The following EPHA8 variants were observed in gnomAD, a reference collection of about 807,000 sequenced individuals.
The protein encoded by EPHA8 is ephrin type-A receptor 8.
EPHA8 carries 58 observed loss-of-function variants against 103.6 expected under a neutral mutation model. That is an observed-to-expected ratio of 0.56 (90% CI 0.45 to 0.70). The LOEUF (loss-of-function observed/expected upper bound fraction) is 0.70. Ranked by LOEUF, EPHA8 falls within the 30% of genes least tolerant of loss-of-function variation. The pLI, the probability that EPHA8 is intolerant of heterozygous loss-of-function variation, is 0.00. For synonymous variants in EPHA8, 559 were observed against 572.5 expected (o/e 0.98, Z 0.34); for missense variants, 1,304 against 1,395.2 (o/e 0.93, Z 1.04).
chr1:22,577,673 G>A (rs932510386), intron 3 of EPHA8, among the ~76,000 whole-genome samples: 2 of 152,126 alleles, frequency 1.3e-5, no homozygotes, highest in Non-Finnish European at 1.5e-5. Context: ...ATGACTTAGG[G>A]TGGCAGCTGT....
chr1:22,588,441 C>T (rs1314411214), intron 4 of EPHA8, among the ~76,000 whole-genome samples: 1 of 152,220 alleles, frequency 6.6e-6, no homozygotes, highest in Non-Finnish European at 1.5e-5. Flanking sequence ...TTCCACAGTG[C>T]GTGCTCAGTG....
Position 22,598,725 on chromosome 1 carries a change from A to T in EPHA8, c.2179-113A>T. 9.0e-7 allele frequency: 1 copy of T among 1,106,712 alleles called. No homozygotes were observed. Among genetic ancestry groups the T allele is most frequent in the South Asian group, 1.5e-5 (1 of 67,038 alleles). The allele number at this position is 1,106,712 out of a possible 1,614,324, so 68.6% of individuals were successfully genotyped here. A position where few individuals can be genotyped will look rare whatever the true frequency, so the allele number is the denominator to read the frequency against. On this transcript the variant is annotated intron_variant, in intron 12 of 16. Coordinates refer to ENST00000166244, the MANE Select transcript of EPHA8 (RefSeq NM_020526.5). The surrounding 1 kb of genome is among the most constrained non-coding windows in gnomAD (Gnocchi z 5.1). Reference sequence around the variant, plus strand: ...TTCAGAAGTAGTGGCGCACTTGGCAAATTGCAAAGCACCGTCTCAACTCGA... The same window carrying T: ...TTCAGAAGTAGTGGCGCACTTGGCATATTGCAAAGCACCGTCTCAACTCGA...
chr1:22,599,861 G>A (rs1298930780), intron 13 of EPHA8, among the ~76,000 whole-genome samples: 1 of 60,178 alleles, frequency 1.7e-5, no homozygotes, highest in African/African-American at 8.5e-5. Context: ...GGAGGGAAGG[G>A]AGGAAGGGAA....
At position 22,598,515 on chromosome 1, in the gene EPHA8, G is replaced by A. The variant is rs967720774; in HGVS notation, c.2178+303G>A. Among the ~76,000 whole-genome samples the A allele has an allele frequency of 1.8e-4, 27 of 151,796 alleles. No individual in the cohort carries two copies. Among genetic ancestry groups the A allele is most frequent in the African/African-American group, 3.6e-4 (15 of 41,350 alleles). The stretch of plus-strand genomic sequence containing the variant: ...GGGGCATGCTGGCTGTGGTGGAGAC[G>A]GCTGGATTCCCAGCTCCTGCCCACA... On this transcript the variant is annotated intron_variant, in intron 12 of 16. Coordinates refer to ENST00000166244, the MANE Select transcript of EPHA8 (RefSeq NM_020526.5). The surrounding 1 kb of genome is among the most constrained non-coding windows in gnomAD (Gnocchi z 5.1).
rs144628022 is a variant in EPHA8 at position 22,596,139 on chromosome 1, G to C, written c.1731G>C (p.Ser577=). 25 of 1,613,838 alleles carry C rather than the reference G, an allele frequency of 1.5e-5. No individual in the cohort carries two copies. Among genetic ancestry groups the C allele is most frequent in the African/African-American group, 4.0e-5 (3 of 74,936 alleles). The change falls in exon 9 of 17, where the codon TCG becomes TCC. Residue 577 remains serine, a synonymous_variant. Coordinates refer to ENST00000166244, the MANE Select transcript of EPHA8 (RefSeq NM_020526.5). ...GCTACAGCAAGGCCTTCCAGGACTC[G>C]GACGAGGAGAAGATGCACTATCAGA... ...HCGYSKAFQD[S]DEEKMHYQNG...
At chr1:22,586,325 CT>C (rs1343046410) in intron 3 of EPHA8, among the ~76,000 whole-genome samples, 154 bp from the exon 4 acceptor site, 2 of 152,250 alleles carry the variant, frequency 1.3e-5, no homozygotes, top group Non-Finnish European at 2.9e-5. Context: ...CAGTTCTGCC[CT>C]CTGCAAATGA....
chr1:22,583,533 C>T (rs1422954734), intron 3 of EPHA8, among the ~76,000 whole-genome samples: 1 of 152,096 alleles, frequency 6.6e-6, no homozygotes, highest in Non-Finnish European at 1.5e-5. Flanking sequence ...GCAAGGCATT[C>T]AGGCTCCCTG....
chr1:22,597,474 C>G lies in EPHA8; in HGVS notation c.1928C>G (p.Ser643Cys), dbSNP rs1641552595. The G allele has an allele frequency of 6.2e-7, 1 of 1,612,612 alleles. No homozygotes were observed. The highest frequency in any genetic ancestry group is 8.5e-7 in the Non-Finnish European group (1 of 1,179,528). Residue 643 changes from serine to cysteine, a missense_variant and splice_region_variant, in exon 10 of 17, where the codon TCT becomes TGT. Physicochemically the swap from Ser to Cys is moderately radical, Grantham distance 112. Coordinates refer to ENST00000166244, the MANE Select transcript of EPHA8 (RefSeq NM_020526.5). The surrounding 1 kb of genome is among the most constrained non-coding windows in gnomAD (Gnocchi z 4.6). ...SRIHIEKIIG[S>C]GDSGEVCYGR... ...ATCCACATCGAGAAAATCATCGGCT[C>G]TGGTGAGTCTCAGGGGTTGTGAGGG... is the stretch of plus-strand genomic sequence containing the variant.
At chr1:22,586,726 T>C (rs1378322657) in intron 4 of EPHA8, 91 bp downstream of exon 4, 93 of 1,506,776 alleles carry the variant, frequency 6.2e-5, no homozygotes, top group Non-Finnish European at 8.2e-5. Context: ...GAGCCAGTTC[T>C]CTGCTGGTGG....
rs568070513 is a variant in EPHA8, at chr1:22,586,780, T to TTG, written c.979+145_979+146insTG. The TTG allele has an allele frequency of 2.5e-5, 23 of 924,446 alleles. No individual in the cohort carries two copies. In the East Asian group the frequency reaches 4.3e-4, roughly 17 times the overall value. The allele number at this position is 924,446 out of a possible 1,614,324, so 57.3% of individuals were successfully genotyped here. A position where few individuals can be genotyped will look rare whatever the true frequency, so the allele number is the denominator to read the frequency against. ...TCTTGAGCCAGAGGCCAGTCTGAGG[T>TTG]GGGGGGGGTGACTCTGATCCCTCCA... On this transcript the variant is annotated intron_variant, in intron 4 of 16. Transcript: ENST00000166244.
At chr1:22,565,840 C>G (rs1640344075) in intron 1 of EPHA8, among the ~76,000 whole-genome samples, 1 of 152,192 alleles carries the variant, frequency 6.6e-6, no homozygotes, top group Admixed American at 6.5e-5. Flanking sequence ...TCCACGCCCT[C>G]TCCGATCAAT....
At chr1:22,574,848 C>A (rs145141625) in intron 2 of EPHA8, among the ~76,000 whole-genome samples, 1 of 152,228 alleles carries the variant, frequency 6.6e-6, no homozygotes, top group East Asian at 1.9e-4. Context: ...ATTTTAAACA[C>A]TTTGAGAAGC....
intron 1 of EPHA8, among the ~76,000 whole-genome samples, chr1:22,566,399 A>G (rs879752342): frequency 3.9e-5 from 6 of 152,242 alleles, no homozygotes; most frequent in Non-Finnish European, 8.8e-5. Flanking sequence ...TGCTGGAGAA[A>G]AAAAGAAATC....
intron 3 of EPHA8, among the ~76,000 whole-genome samples, chr1:22,586,069 T>C (rs1036185410): frequency 6.6e-6 from 1 of 152,148 alleles, no homozygotes; most frequent in Non-Finnish European, 1.5e-5. Context: ...CCCATGGCCC[T>C]GGCCCCTAGG....
At chr1:22,564,029 C>T (rs544652358) in intron 1 of EPHA8, among the ~76,000 whole-genome samples, 2 of 151,592 alleles carry the variant, frequency 1.3e-5, no homozygotes, top group East Asian at 3.9e-4. Context: ...GGGTCGGACG[C>T]CGGGGACAAG....
rs1432463577 is a variant in EPHA8, at chr1:22,567,914, C to G, written c.95-1375C>G. 1.3e-5 allele frequency among the ~76,000 whole-genome samples: 2 copies of G among 152,164 alleles called. No homozygotes were observed. The highest frequency in any genetic ancestry group is 2.9e-5 in the Non-Finnish European group (2 of 68,044). On this transcript the variant is annotated intron_variant, in intron 1 of 16. Coordinates refer to ENST00000166244, the MANE Select transcript of EPHA8 (RefSeq NM_020526.5). This position sits in a 1 kb window ranked among gnomAD's most constrained non-coding sequence, Gnocchi z 4.2. ...AGCTGTGGGACTCTGGAGCCAAAAG[C>G]CCTCTCATACAGCAATCACCAGCTA... is the stretch of plus-strand genomic sequence containing the variant.
chr1:22,591,998 A>G (rs1641384889), intron 5 of EPHA8, among the ~76,000 whole-genome samples: 1 of 152,114 alleles, frequency 6.6e-6, no homozygotes, highest in Non-Finnish European at 1.5e-5. Flanking sequence ...AAGCTCCTAG[A>G]GGGATGTCTT....
intron 8 of EPHA8, 144 bp from the exon 9 acceptor site, chr1:22,595,961 TC>T (rs1641505508): frequency 1.5e-6 from 1 of 660,254 alleles, no homozygotes; most frequent in Non-Finnish European, 2.6e-6. Context: ...TCAGGGACTC[TC>T]CCCTGCAGAC....
At position 22,593,354 on chromosome 1, in the gene EPHA8, A is replaced by G. The variant is rs745801931; in HGVS notation, c.1344A>G (p.Gln448=). The G allele has an allele frequency of 1.3e-6, 2 of 1,581,536 alleles. No individual in the cohort carries two copies. Among genetic ancestry groups the G allele is most frequent in the South Asian group, 1.2e-5 (1 of 86,778 alleles). The change falls in exon 6 of 17, where the codon CAA becomes CAG. Residue 448 remains glutamine, a synonymous_variant. Transcript: ENST00000166244. ...AAPSQVVVIR[Q]ERAGQTSVSL... ...CGTCCCAGGTGGTGGTGATCCGTCA[A>G]GAGCGGGCGGGGCAGACCAGCGTCT...
Sources: allele counts gnomAD v4.1 joint callset (sites outside exome capture counted in the v4.1 genomes callset), GRCh38; gene constraint gnomAD v4.1.1; non-coding constraint Gnocchi (gnomAD v3.1); transcripts MANE v1.5; gene names NCBI Gene and HGNC (gene_info 2026-07-23, HGNC 2026-07-21).